PDE6A: variants seen among roughly 807,000 people sequenced by gnomAD.
PDE6A encodes the protein rod cGMP-specific 3',5'-cyclic phosphodiesterase subunit alpha.
Under a neutral mutation model 106.3 loss-of-function variants are expected in PDE6A, and 84 were observed. That is an observed-to-expected ratio of 0.79 (90% CI 0.66 to 0.95). The LOEUF is 0.95. Ranked by LOEUF, PDE6A falls within the 40% of genes least tolerant of loss-of-function variation. The probability of loss-of-function intolerance (pLI) is 0.00; values close to 1 mark genes in which losing one functional copy is unlikely to be tolerated. For missense variants in PDE6A, 1,052 were observed against 1,084.9 expected (o/e 0.97, Z 0.43); for synonymous variants, 394 against 386.6 (o/e 1.02, Z -0.23).
intron 12 of PDE6A, among the ~76,000 whole-genome samples, chr5:149,896,007 C>A (rs1212375802): frequency 6.6e-6 from 1 of 152,174 alleles, no homozygotes; most frequent in Non-Finnish European, 1.5e-5. Context: ...AGTAAGGAAT[C>A]CTGCAGGGAA....
At chr5:149,877,965 G>T (rs1410213187) in intron 17 of PDE6A, among the ~76,000 whole-genome samples, 1 of 152,168 alleles carries the variant, frequency 6.6e-6, no homozygotes, top group African/African-American at 2.4e-5. Context: ...GATCCCCTGA[G>T]TATACCCAGG....
At chr5:149,909,457 G>C (rs1162717232) in intron 6 of PDE6A, among the ~76,000 whole-genome samples, 4 of 152,162 alleles carry the variant, frequency 2.6e-5, no homozygotes, top group Non-Finnish European at 4.4e-5. Flanking sequence ...TCCAGATTAT[G>C]GAAATTTCCC....
chr5:149,941,887 T>A (rs1326831797), intron 1 of PDE6A, among the ~76,000 whole-genome samples: 1 of 152,182 alleles, frequency 6.6e-6, no homozygotes, highest in South Asian at 2.1e-4. Flanking sequence ...TTTTTAGCAA[T>A]TTTTTTCTTT....
intron 13 of PDE6A, 105 bp from the exon 14 acceptor site, chr5:149,886,479 G>T: frequency 1.2e-6 from 1 of 812,338 alleles, no homozygotes; most frequent in Non-Finnish European, 2.1e-6. Context: ...AAAACTCATG[G>T]GTCTGATCTT....
intron 5 of PDE6A, among the ~76,000 whole-genome samples, chr5:149,919,661 G>A (rs942746550): frequency 1.3e-5 from 2 of 152,128 alleles, no homozygotes; most frequent in African/African-American, 2.4e-5. Flanking sequence ...CCATATTCAT[G>A]TACAAATTCA....
intron 13 of PDE6A, among the ~76,000 whole-genome samples, chr5:149,888,412 T>C (rs968671030): frequency 6.7e-6 from 1 of 150,156 alleles, no homozygotes; most frequent in Non-Finnish European, 1.5e-5. Context: ...TTCTAATTAA[T>C]ATAAGGATAT....
chr5:149,870,570 A>G (rs1760496792), intron 17 of PDE6A, among the ~76,000 whole-genome samples: 1 of 152,158 alleles, frequency 6.6e-6, no homozygotes. Flanking sequence ...TTTTATAGAC[A>G]GAGATTTGCT....
chr5:149,875,887 C>T (rs760481820), intron 17 of PDE6A, among the ~76,000 whole-genome samples: 6 of 152,142 alleles, frequency 3.9e-5, no homozygotes, highest in Non-Finnish European at 7.3e-5. Context: ...TACATCTTTC[C>T]TTGTCTCTGT....
intron 17 of PDE6A, among the ~76,000 whole-genome samples, 170 bp downstream of exon 17, chr5:149,883,259 C>T (rs1201018755): frequency 6.6e-6 from 1 of 152,058 alleles, no homozygotes; most frequent in Non-Finnish European, 1.5e-5. Context: ...AAAGATTAAA[C>T]ATGTGGCTTG....
intron 4 of PDE6A, among the ~76,000 whole-genome samples, chr5:149,928,011 T>C (rs1171090182): frequency 6.6e-6 from 1 of 151,606 alleles, no homozygotes; most frequent in Non-Finnish European, 1.5e-5. Context: ...ATGATAACAA[T>C]GCTTTCTTCC....
intron 11 of PDE6A, 61 bp downstream of exon 11, chr5:149,896,650 T>C: frequency 6.2e-7 from 1 of 1,613,966 alleles, no homozygotes; most frequent in Non-Finnish European, 8.5e-7. Context: ...AACCCCTGCA[T>C]GCTCAGGAGC....
intron 7 of PDE6A, among the ~76,000 whole-genome samples, chr5:149,906,895 C>T (rs1753212150): frequency 6.6e-6 from 1 of 152,228 alleles, no homozygotes; most frequent in East Asian, 1.9e-4. Context: ...CCTCAGCCTC[C>T]CAAGTAGCTG....
chr5:149,920,967 A>AAAG (rs1554091245), intron 5 of PDE6A, among the ~76,000 whole-genome samples: 10 of 130,550 alleles, frequency 7.7e-5, no homozygotes, highest in Non-Finnish European at 1.0e-4. Flanking sequence ...AGAAAGAAAG[A>AAAG]AAGAAAGAAA....
chr5:149,908,716 G>A (rs1207547707), intron 6 of PDE6A, among the ~76,000 whole-genome samples: 9 of 151,190 alleles, frequency 6.0e-5, no homozygotes, highest in African/African-American at 2.2e-4. Context: ...ACTCATTTTT[G>A]TTCCTTAAAT....
chr5:149,902,962 A>G (rs909028537), intron 8 of PDE6A, among the ~76,000 whole-genome samples: 1 of 152,054 alleles, frequency 6.6e-6, no homozygotes, highest in African/African-American at 2.4e-5. Flanking sequence ...GGATTTGAAC[A>G]GGAGATGATA....
intron 7 of PDE6A, 106 bp from the exon 8 acceptor site, chr5:149,903,801 T>C: frequency 1.2e-6 from 1 of 863,270 alleles, no homozygotes; most frequent in South Asian, 1.3e-5. Context: ...GTCCAAGGCA[T>C]TCACATTCTT....
chr5:149,922,640 T>C (rs976054137), intron 4 of PDE6A, among the ~76,000 whole-genome samples: 3 of 152,172 alleles, frequency 2.0e-5, no homozygotes, highest in Non-Finnish European at 4.4e-5. Flanking sequence ...AGTGATTTTC[T>C]CTGAGTGATT....
At chr5:149,924,971 A>G (rs1456123275) in intron 4 of PDE6A, among the ~76,000 whole-genome samples, 1 of 152,184 alleles carries the variant, frequency 6.6e-6, no homozygotes, top group Non-Finnish European at 1.5e-5. Flanking sequence ...CCCAAGAAGT[A>G]AAAGTGAACC....
chr5:149,898,649 G>T, intron 9 of PDE6A, 143 bp from the exon 10 acceptor site: 1 of 751,712 alleles, frequency 1.3e-6, no homozygotes, highest in Non-Finnish European at 2.2e-6. Flanking sequence ...ACCTTGCGGA[G>T]TTCTTATAAG....
Sources: gnomAD v4.1 joint callset for allele counts (sites outside exome capture counted in the v4.1 genomes callset) on GRCh38, gnomAD v4.1.1 for gene constraint, MANE v1.5 for transcripts, NCBI Gene and HGNC (gene_info 2026-07-23, HGNC 2026-07-21) for gene names.